The following CHIA variants were observed in gnomAD, a reference collection of about 807,000 sequenced individuals.
The protein encoded by CHIA is chitinase acidic, also known as acidic mammalian chitinase.
CHIA carries 47 observed loss-of-function variants against 53.5 expected under a neutral mutation model. That is an observed-to-expected ratio of 0.88 (90% CI 0.70 to 1.12). The LOEUF (loss-of-function observed/expected upper bound fraction) is 1.12. CHIA is among the 50% of genes most tolerant of loss of function. CHIA has a pLI of 0.00. For synonymous variants in CHIA, 268 were observed against 222.2 expected (o/e 1.21, Z -1.83); for missense variants, 652 against 592.2 (o/e 1.10, Z -1.05).
Position 111,290,883 on chromosome 1 carries a change from G to A in CHIA, c.-136G>A, listed in dbSNP as rs901727135. 9 of 468,896 alleles carry A rather than the reference G, an allele frequency of 1.9e-5. No individual in the cohort carries two copies. The highest frequency in any genetic ancestry group is 2.4e-5 in the Admixed American group (1 of 42,222). The allele number at this position is 468,896 out of a possible 1,614,324, so 29.0% of individuals were successfully genotyped here. A position where few individuals can be genotyped will look rare whatever the true frequency, so the allele number is the denominator to read the frequency against. On this transcript the variant is annotated 5_prime_UTR_variant, in exon 1 of 12. Coordinates refer to ENST00000369740, the MANE Select transcript of CHIA (RefSeq NM_201653.4). ...TCATGAAACCTCCTCGTCTGTGCACGAACAGGTGGCCGACTCTGGAGCCCA... is the reference window on the plus strand; with the variant it reads ...TCATGAAACCTCCTCGTCTGTGCACAAACAGGTGGCCGACTCTGGAGCCCA...
rs142253415 is a variant in CHIA, at chr1:111,315,392, G to T, written c.437G>T (p.Gly146Val). Reference protein sequence around the residue: ...DFDWEYPGSRGSPPQDKHLFT... With the variant: ...DFDWEYPGSRVSPPQDKHLFT... ...GACTGGGAGTACCCTGGCTCTCGTG[G>T]GAGCCCTCCTCAGGACAAGCATCTC... The change falls in exon 6 of 12, where the codon GGG becomes GTG. Residue 146 changes from glycine (G) to valine (V), a missense_variant. By Grantham distance (109) the Gly-to-Val change is moderately radical. Transcript: ENST00000369740. The T allele has an allele frequency of 1.5e-5, 24 of 1,614,002 alleles. 2 individuals carry two copies. In the South Asian group the frequency reaches 1.6e-4, roughly 11 times the overall value.
intron 7 of CHIA, 27 bp downstream of exon 7, chr1:111,317,832 T>C (rs369579203): frequency 2.0e-5 from 32 of 1,613,570 alleles, no homozygotes; most frequent in Non-Finnish European, 2.6e-5. Context: ...ATCTTCAAAC[T>C]CCTGGAGGTG....
Position 111,315,265 on chromosome 1 carries a change from C to T in CHIA, c.315-5C>T, listed in dbSNP as rs985878978. ...CTCACCCTGCCTTCTTTGGGTCTCC[C>T]TCAGTTTCACTGCCATGGTTTCTAC... On this transcript the variant is annotated splice_polypyrimidine_tract_variant and splice_region_variant and intron_variant, in intron 5 of 11. Coordinates refer to ENST00000369740, the MANE Select transcript of CHIA (RefSeq NM_201653.4). 7 of 1,610,752 alleles carry T rather than the reference C, an allele frequency of 4.3e-6. No individual in the cohort carries two copies. The African/African-American group carries it at 8.0e-5, about 18-fold the overall frequency.
intron 1 of CHIA, among the ~76,000 whole-genome samples, chr1:111,305,808 G>C (rs1008216259): frequency 4.6e-5 from 7 of 152,082 alleles, no homozygotes; most frequent in African/African-American, 1.4e-4. Context: ...TGGAAAAGAA[G>C]AAAGAAAGCT....
chr1:111,296,854 A>C (rs1448871495), intron 1 of CHIA, among the ~76,000 whole-genome samples: 2 of 152,234 alleles, frequency 1.3e-5, no homozygotes, highest in Non-Finnish European at 2.9e-5. Context: ...GGCTAACCAG[A>C]ATAAACAGTG....
chr1:111,294,383 C>A (rs1442408029), intron 1 of CHIA, among the ~76,000 whole-genome samples: 1 of 151,866 alleles, frequency 6.6e-6, no homozygotes, highest in Admixed American at 6.6e-5. Flanking sequence ...TATAAAAATG[C>A]AATTGATTTT....
At chr1:111,301,334 T>C (rs1479642877) in intron 1 of CHIA, among the ~76,000 whole-genome samples, 1 of 152,188 alleles carries the variant, frequency 6.6e-6, no homozygotes, top group Non-Finnish European at 1.5e-5. Flanking sequence ...TCAACCCAAA[T>C]GTCCATCAAT....
At position 111,312,411 on chromosome 1, in the gene CHIA, TA is replaced by T; in HGVS notation, c.257+22del. On this transcript the variant is annotated intron_variant, in intron 4 of 11. Coordinates refer to ENST00000369740, the MANE Select transcript of CHIA (RefSeq NM_201653.4). ...AAATAAGTAGGATGAGGGAGATATT[TA>T]ATTTGGCATCCCCTTTTTCAGTACT... 2 of 1,578,850 alleles carry T rather than the reference TA, an allele frequency of 1.3e-6. No individual in the cohort carries two copies. The highest frequency in any genetic ancestry group is 4.5e-5 in the East Asian group (2 of 44,748).
chr1:111,293,946 G>A (rs959548198), intron 1 of CHIA, among the ~76,000 whole-genome samples: 6 of 152,162 alleles, frequency 3.9e-5, no homozygotes, highest in Non-Finnish European at 7.3e-5. Flanking sequence ...GCCAGGCATG[G>A]TGGCACATGA....
chr1:111,303,306 A>G (rs1054503925), intron 1 of CHIA, among the ~76,000 whole-genome samples: 1 of 151,938 alleles, frequency 6.6e-6, no homozygotes, highest in Non-Finnish European at 1.5e-5. Context: ...TTTGTTTCCT[A>G]TATGCCTTTT....
chr1:111,303,782 T>C (rs1647958832), intron 1 of CHIA, among the ~76,000 whole-genome samples: 1 of 152,174 alleles, frequency 6.6e-6, no homozygotes, highest in South Asian at 2.1e-4. Context: ...CAAGCCATTG[T>C]TACAATAATA....
At chr1:111,305,667 TCAGA>T (rs1288858795) in intron 1 of CHIA, among the ~76,000 whole-genome samples, 1 of 152,238 alleles carries the variant, frequency 6.6e-6, no homozygotes, top group African/African-American at 2.4e-5. Context: ...AGTAGTTGCA[TCAGA>T]CAAATTCTGC....
intron 7 of CHIA, 84 bp from the exon 8 acceptor site, chr1:111,317,902 G>A (rs979976202): frequency 4.6e-5 from 74 of 1,610,132 alleles, no homozygotes; most frequent in Non-Finnish European, 6.2e-5. Flanking sequence ...CCTTGTTTAG[G>A]AGACTTTAGA....
At position 111,311,718 on chromosome 1, in the gene CHIA, G is replaced by A. The variant is rs769844294; in HGVS notation, c.55G>A (p.Gly19Ser). Reference sequence around the variant, plus strand: ...TGTCCTTATACTGAATTTGCAGCTCGGTAAGTCATGGACTCCATGTTTTAT... The same window carrying A: ...TGTCCTTATACTGAATTTGCAGCTCAGTAAGTCATGGACTCCATGTTTTAT... ...GLVLILNLQL[G>S]SAYQLTCYFT... Residue 19 changes from glycine to serine, a missense_variant and splice_region_variant, in exon 3 of 12, where the codon GGC (glycine) becomes AGC (serine). By Grantham distance (56) the Gly-to-Ser change is moderately conservative. Coordinates refer to ENST00000369740, the MANE Select transcript of CHIA (RefSeq NM_201653.4). 2.2e-5 allele frequency: 35 copies of A among 1,613,406 alleles called. No homozygotes were observed. The Middle Eastern group carries it at 4.9e-4, about 23-fold the overall frequency.
In CHIA at chr1:111,311,691, C is replaced by T. The variant is rs747484005; in HGVS notation, c.28C>T (p.Leu10Phe). The T allele has an allele frequency of 6.2e-7, 1 of 1,613,934 alleles. No homozygotes were observed. Among genetic ancestry groups the T allele is most frequent in the Admixed American group, 1.7e-5 (1 of 60,006 alleles). Reference protein sequence around the residue: MTKLILLTGLVLILNLQLGS... With the variant: MTKLILLTGFVLILNLQLGS... ...ACATGCTTTTTCTTTCTATCCAGGT[C>T]TTGTCCTTATACTGAATTTGCAGCT... Residue 10 changes from leucine (L) to phenylalanine (F), a missense_variant and splice_region_variant, in exon 3 of 12, where the codon CTT (leucine) becomes TTT (phenylalanine). Transcript: ENST00000369740.
chr1:111,315,066 A>G (rs1012994415), intron 5 of CHIA: 37 of 527,810 alleles, frequency 7.0e-5, no homozygotes, highest in Admixed American at 1.4e-4. Context: ...AGTTGGGGGG[A>G]TAACAGAATA....
chr1:111,313,232 A>G (rs1032337867), intron 4 of CHIA, among the ~76,000 whole-genome samples: 3 of 152,098 alleles, frequency 2.0e-5, no homozygotes, highest in African/African-American at 7.2e-5. Flanking sequence ...CATCTATACT[A>G]TTTTCCATAA....
intron 6 of CHIA, chr1:111,315,662 C>A (rs1426963105): frequency 5.1e-6 from 3 of 589,990 alleles, no homozygotes; most frequent in Middle Eastern, 2.8e-4. Flanking sequence ...GTTTTAAGAA[C>A]CATAACTCAT....
At chr1:111,310,270 A>G in intron 1 of CHIA, 130 bp from the exon 2 acceptor site, 1 of 1,081,822 alleles carries the variant, frequency 9.2e-7, no homozygotes, top group Non-Finnish European at 1.3e-6. Flanking sequence ...CTTGTTGGGC[A>G]GAGAAGGTGG....
Sources: allele counts gnomAD v4.1 joint callset (sites outside exome capture counted in the v4.1 genomes callset), GRCh38; gene constraint gnomAD v4.1.1; transcripts MANE v1.5; gene names NCBI Gene and HGNC (gene_info 2026-07-23, HGNC 2026-07-21).